NAV1: variants seen among roughly 807,000 people sequenced by gnomAD.
NAV1 encodes the protein neuron navigator 1.
NAV1 carries 18 observed loss-of-function variants against 175.2 expected under a neutral mutation model. That is an observed-to-expected ratio of 0.10 (90% CI 0.07 to 0.15). NAV1 has a LOEUF of 0.15. Among genes scored for constraint, NAV1 ranks in the 10% least tolerant of loss-of-function variants. The probability of loss-of-function intolerance (pLI) is 1.00; values close to 1 mark genes in which losing one functional copy is unlikely to be tolerated. For synonymous variants in NAV1, 897 were observed against 978.7 expected (o/e 0.92, Z 1.56); for missense variants, 1,731 against 2,436.6 (o/e 0.71, Z 6.10).
chr1:201,620,814 C>T (rs114007400), upstream of NAV1, among the ~76,000 whole-genome samples: 1,075 of 152,006 alleles, frequency 7.1e-3, 11 homozygotes, highest in African/African-American at 0.025. Context: ...TAATTTTCTG[C>T]GATATAGTAC....
chr1:201,589,630 C>T (rs1387452566), intron 2 of NAV1, among the ~76,000 whole-genome samples: 1 of 151,764 alleles, frequency 6.6e-6, no homozygotes, highest in Non-Finnish European at 1.5e-5. Context: ...TAGCTGGGAC[C>T]ACAGGCGCAC....
chr1:201,618,485 A>G (rs931826265), upstream of NAV1, among the ~76,000 whole-genome samples: 1 of 151,990 alleles, frequency 6.6e-6, no homozygotes. Context: ...CCACCCTGTA[A>G]ATTGGATCCC....
chr1:201,668,664 A>G (rs1352370921), intron 1 of NAV1, among the ~76,000 whole-genome samples: 1 of 152,098 alleles, frequency 6.6e-6, no homozygotes, highest in Non-Finnish European at 1.5e-5. Flanking sequence ...AGGTTGGAGC[A>G]TGGAAGGGTG....
chr1:201,686,793 C>T (rs1341784776), intron 1 of NAV1, among the ~76,000 whole-genome samples: 1 of 152,194 alleles, frequency 6.6e-6, no homozygotes, highest in African/African-American at 2.4e-5. Context: ...AATAGCCCAA[C>T]CCCTGCAGCC....
chr1:201,694,559 G>T lies in NAV1; in HGVS notation c.758-18258G>T, dbSNP rs1205208482. Among the ~76,000 whole-genome samples the T allele has an allele frequency of 1.3e-5, 2 of 152,274 alleles. No individual in the cohort carries two copies. Among genetic ancestry groups the T allele is most frequent in the South Asian group, 4.2e-4 (2 of 4,816 alleles). On this transcript the variant is annotated intron_variant, in intron 1 of 29. Transcript: ENST00000367296. The surrounding 1 kb of genome is among the most constrained non-coding windows in gnomAD (Gnocchi z 4.2). ...ACCACCAGCCCTGGCTGCAGAGGGA[G>T]GAGGGTAAGTCTGGGAAGCTGGCCC...
intron 1 of NAV1, among the ~76,000 whole-genome samples, chr1:201,551,376 A>C (rs770012988): frequency 4.6e-5 from 7 of 152,118 alleles, no homozygotes; most frequent in Non-Finnish European, 8.8e-5. Context: ...TTACAGGAGC[A>C]CACCACCACA....
intron 2 of NAV1, among the ~76,000 whole-genome samples, chr1:201,599,779 C>T (rs1406964509): frequency 3.3e-5 from 5 of 152,110 alleles, no homozygotes; most frequent in Non-Finnish European, 5.9e-5. Flanking sequence ...GGAGGGATGG[C>T]GTCTGTGTCA....
chr1:201,825,069 C>G (rs974414218), exon 30 of NAV1: 1 of 152,162 alleles, frequency 6.6e-6, no homozygotes, highest in Non-Finnish European at 1.5e-5. Flanking sequence ...CTTTCTCATG[C>G]TTCCTTGTGT....
chr1:201,737,417 A>G (rs1334036323), intron 3 of NAV1: 1 of 152,208 alleles, frequency 6.6e-6, no homozygotes, highest in Non-Finnish European at 1.5e-5. Context: ...GAGGTGATTT[A>G]GAGACCCTAT....
At chr1:201,629,530 C>T (rs1032335836) in intron 2 of NAV1, 23 bp downstream of exon 4, 11 of 1,295,966 alleles carry the variant, frequency 8.5e-6, no homozygotes, top group South Asian at 1.2e-5. Context: ...GGGGAGACTT[C>T]CTCCTAGGGT....
At chr1:201,795,076 C>T (rs1054318994) in intron 15 of NAV1, 1 of 153,562 alleles carries the variant, frequency 6.5e-6, no homozygotes, top group African/African-American at 2.4e-5. Flanking sequence ...AGTCTGATGC[C>T]ACAAAATCTG....
chr1:201,825,859 G>T (rs1346720754), exon 30 of NAV1: 1 of 152,198 alleles, frequency 6.6e-6, no homozygotes, highest in East Asian at 1.9e-4. Context: ...ACGGAGTTTT[G>T]CCTTGTTGGC....
intron 1 of NAV1, among the ~76,000 whole-genome samples, chr1:201,661,335 T>A (rs1669607283): frequency 6.6e-6 from 1 of 152,116 alleles, no homozygotes; most frequent in Non-Finnish European, 1.5e-5. Flanking sequence ...CCCAAGCCTC[T>A]CACTGTCTAG....
At chr1:201,766,521 CTTCTA>C (rs1264493707) in intron 3 of NAV1, among the ~76,000 whole-genome samples, 1 of 128,474 alleles carries the variant, frequency 7.8e-6, no homozygotes, top group African/African-American at 3.0e-5. Context: ...CACTCTGACT[CTTCTA>C]TTATCTTTTT....
chr1:201,803,672 C>G, exon 16 of NAV1: 1 of 1,613,448 alleles, frequency 6.2e-7, no homozygotes. Context: ...GCATCGGCAG[C>G]AGCAAGGATG....
Position 201,819,791 on chromosome 1 carries a change from C to T in NAV1, c.5539-46C>T, listed in dbSNP as rs187130148. The T allele has an allele frequency of 1.8e-5, 27 of 1,535,706 alleles. No homozygotes were observed. The African/African-American group carries it at 3.1e-4, about 18-fold the overall frequency. On this transcript the variant is annotated intron_variant, in intron 29 of 29. Transcript: ENST00000367296. ...TGTTGTTTCCCTTCTGTGGGCAGGA[C>T]CCAGAGTCCCAACTCTCATAAATCC... is the stretch of plus-strand genomic sequence containing the variant.
chr1:201,542,129 TG>T (rs1290257488), intron 1 of NAV1, among the ~76,000 whole-genome samples: 3 of 152,152 alleles, frequency 2.0e-5, no homozygotes, highest in African/African-American at 4.8e-5. Flanking sequence ...GCTACACAAC[TG>T]GGGTACTGCA....
At chr1:201,783,460 C>T (rs989235109) in exon 7 of NAV1, 3 of 1,614,046 alleles carry the variant, frequency 1.9e-6, no homozygotes. Context: ...TTGACAAGGT[C>T]AACTCCAACA....
chr1:201,661,976 AT>A (rs1669629968), intron 1 of NAV1, among the ~76,000 whole-genome samples: 1 of 152,246 alleles, frequency 6.6e-6, no homozygotes, highest in East Asian at 1.9e-4. Flanking sequence ...TACTACTCTT[AT>A]CCCCTTTTTA....
Sources: allele counts gnomAD v4.1 joint callset (sites outside exome capture counted in the v4.1 genomes callset), GRCh38; gene constraint gnomAD v4.1.1; non-coding constraint Gnocchi (gnomAD v3.1); transcripts MANE v1.5; gene names NCBI Gene and HGNC (gene_info 2026-07-23, HGNC 2026-07-21).